Variants in CHD5 observed in about 807,000 individuals in gnomAD.
The protein encoded by CHD5 is ATP-dependent chromatin remodeler CHD5.
A neutral mutation model predicts 230.3 loss-of-function variants in CHD5; 69 were observed. The ratio of observed to expected loss-of-function variants is 0.30; its 90% CI spans 0.25 to 0.37. CHD5 has a LOEUF of 0.37. CHD5 is among the 10% of genes least tolerant of loss of function. CHD5 has a pLI of 1.00. For synonymous variants in CHD5, 1,064 were observed against 1,065.9 expected (o/e 1.00, Z 0.03); for missense variants, 1,827 against 2,622.8 (o/e 0.70, Z 6.63).
intron 1 of CHD5, among the ~76,000 whole-genome samples, chr1:6,169,772 C>T (rs1040104136): frequency 5.3e-5 from 8 of 152,150 alleles, no homozygotes; most frequent in African/African-American, 1.9e-4. Context: ...TGCCAGCCTG[C>T]GGCCCCAGCG....
chr1:6,107,095 C>T (rs538602760), intron 38 of CHD5, among the ~76,000 whole-genome samples: 1 of 43,352 alleles, frequency 2.3e-5, no homozygotes, highest in Non-Finnish European at 4.2e-5. Context: ...GAAGGACGGA[C>T]GAATGGAGGG....
At chr1:6,108,996 C>T (rs1350889799) in intron 38 of CHD5, among the ~76,000 whole-genome samples, 1 of 151,926 alleles carries the variant, frequency 6.6e-6, no homozygotes, top group East Asian at 1.9e-4. Context: ...TATGACTGCA[C>T]TTGCCCAGAA....
In CHD5 at chr1:6,174,977, G is replaced by A. The variant is rs578216178; in HGVS notation, c.79+4968C>T. 4.4e-3 allele frequency among the ~76,000 whole-genome samples: 395 copies of A among 90,360 alleles called. 2 individuals are homozygous for A. The highest frequency in any genetic ancestry group is 4.1e-3 in the Non-Finnish European group (219 of 53,264). The allele number at this position is 90,360 out of a possible 152,430, so 59.3% of individuals were successfully genotyped here. On this transcript the variant is annotated intron_variant, in intron 1 of 41. Coordinates refer to ENST00000262450, the MANE Select transcript of CHD5 (RefSeq NM_015557.3). ...GATGGATGGATGGTGGATGAAGGATGGATGGATGGATGGATGGATGGCAGA... is the reference window on the plus strand; with the variant it reads ...GATGGATGGATGGTGGATGAAGGATAGATGGATGGATGGATGGATGGCAGA...
chr1:6,155,071 G>A lies in CHD5; in HGVS notation c.507-173C>T, dbSNP rs983238392. On this transcript the variant is annotated intron_variant, in intron 4 of 41. Transcript: ENST00000262450. The surrounding 1 kb of genome is among the most constrained non-coding windows in gnomAD (Gnocchi z 4.0). ...ACTGACCACAGCCCACCCCCAAAAC[G>A]CCCCAGCTTCCTGTCCACACCCACA... 3.8e-5 allele frequency among the ~76,000 whole-genome samples: 5 copies of A among 131,570 alleles called. No homozygotes were observed. Among genetic ancestry groups the A allele is most frequent in the East Asian group, 2.2e-4 (1 of 4,516 alleles). The allele number at this position is 131,570 out of a possible 152,430, so 86.3% of individuals were successfully genotyped here. A position where few individuals can be genotyped will look rare whatever the true frequency, so the allele number is the denominator to read the frequency against.
chr1:6,119,787 A>G (rs926969673), intron 33 of CHD5, among the ~76,000 whole-genome samples: 1 of 149,748 alleles, frequency 6.7e-6, no homozygotes, highest in Non-Finnish European at 1.5e-5. Context: ...ATGTGCGTAT[A>G]TACGTACGTA....
At chr1:6,179,095 C>A (rs1292275248) in intron 1 of CHD5, among the ~76,000 whole-genome samples, 1 of 152,230 alleles carries the variant, frequency 6.6e-6, no homozygotes, top group Non-Finnish European at 1.5e-5. Context: ...AAAGAACTGT[C>A]CCGCAAGGCA....
In CHD5 at chr1:6,156,586, T is replaced by C. The variant is rs972260573; in HGVS notation, c.388-869A>G. Reference sequence around the variant, plus strand: ...TGAGGCCTCCCCAGGATGCCAGGTATAGCTACGTCAGCCCTTGTGAAGGAC... The same window carrying C: ...TGAGGCCTCCCCAGGATGCCAGGTACAGCTACGTCAGCCCTTGTGAAGGAC... On this transcript the variant is annotated intron_variant, in intron 3 of 41. Coordinates refer to ENST00000262450, the MANE Select transcript of CHD5 (RefSeq NM_015557.3). Among the ~76,000 whole-genome samples, 37 of 149,778 alleles carry C rather than the reference T, an allele frequency of 2.5e-4. 1 individual carries two copies. The highest frequency in any genetic ancestry group is 2.4e-3 in the Admixed American group (36 of 15,078).
At chr1:6,168,119 C>G (rs1193056348) in intron 2 of CHD5, 31 bp downstream of exon 2, 2 of 1,580,898 alleles carry the variant, frequency 1.3e-6, no homozygotes, top group Non-Finnish European at 1.7e-6. Flanking sequence ...CCACCCGCCC[C>G]AAGCTCGCCG....
chr1:6,107,350 G>T, intron 38 of CHD5, among the ~76,000 whole-genome samples: 1 of 135,954 alleles, frequency 7.4e-6, no homozygotes, highest in South Asian at 2.7e-4. Flanking sequence ...AGGGATGGAG[G>T]GATAATGAAG....
In CHD5 at chr1:6,146,609, G is replaced by T. The variant is rs1666915890; in HGVS notation, c.1590+56C>A. ...CAGCCCCTTCCCGCCAGCCCAGGAGGGTCCAGGGCTCACCAGGTCCCGGGC... is the reference window on the plus strand; with the variant it reads ...CAGCCCCTTCCCGCCAGCCCAGGAGTGTCCAGGGCTCACCAGGTCCCGGGC... On this transcript the variant is annotated intron_variant, in intron 10 of 41. Coordinates refer to ENST00000262450, the MANE Select transcript of CHD5 (RefSeq NM_015557.3). The surrounding 1 kb of genome is among the most constrained non-coding windows in gnomAD (Gnocchi z 5.1). 1.3e-6 allele frequency: 2 copies of T among 1,552,880 alleles called. No individual in the cohort carries two copies. The highest frequency in any genetic ancestry group is 2.7e-5 in the African/African-American group (2 of 73,564).
At chr1:6,151,863 C>G (rs1667013582) in intron 6 of CHD5, among the ~76,000 whole-genome samples, 1 of 152,144 alleles carries the variant, frequency 6.6e-6, no homozygotes, top group Admixed American at 6.5e-5. Context: ...GCCCCTCACA[C>G]TCACAGAGAA....
intron 35 of CHD5, 125 bp from the exon 36 acceptor site, chr1:6,112,008 T>C: frequency 7.2e-7 from 1 of 1,387,890 alleles, no homozygotes; most frequent in Non-Finnish European, 1.0e-6. Context: ...TGTTCCAGGG[T>C]GGCTAAGAAA....
intron 2 of CHD5, among the ~76,000 whole-genome samples, chr1:6,162,729 G>A (rs1288230477): frequency 6.6e-6 from 1 of 152,264 alleles, no homozygotes; most frequent in East Asian, 1.9e-4. Flanking sequence ...AGGACGACAA[G>A]CTGGAGGGGA....
intron 31 of CHD5, among the ~76,000 whole-genome samples, chr1:6,122,180 T>C (rs1348855427): frequency 6.6e-6 from 1 of 152,190 alleles, no homozygotes; most frequent in Non-Finnish European, 1.5e-5. Flanking sequence ...TCTCAGGGCC[T>C]GGCCTCACCC....
At chr1:6,137,974 G>T (rs571187579) in intron 15 of CHD5, among the ~76,000 whole-genome samples, 448 of 152,276 alleles carry the variant, frequency 2.9e-3, no homozygotes, top group African/African-American at 0.01. Context: ...TGGGGAGGGG[G>T]AGCCAGGCAC....
At chr1:6,172,468 C>T (rs1293242865) in intron 1 of CHD5, among the ~76,000 whole-genome samples, 4 of 152,114 alleles carry the variant, frequency 2.6e-5, no homozygotes, top group Admixed American at 6.5e-5. Context: ...TGGGACAACA[C>T]GCACAACCAC....
intron 1 of CHD5, among the ~76,000 whole-genome samples, chr1:6,175,171 G>A (rs896090666): frequency 1.3e-5 from 2 of 150,036 alleles, no homozygotes; most frequent in African/African-American, 4.9e-5. Flanking sequence ...GTGGGCGGAT[G>A]GTGGGTGGAT....
At chr1:6,179,812 C>T in intron 1 of CHD5, 133 bp downstream of exon 1, 1 of 253,016 alleles carries the variant, frequency 4.0e-6, no homozygotes, top group Non-Finnish European at 6.1e-6. Flanking sequence ...GAGCGCAGCC[C>T]CGCAACCCGG....
In CHD5 at chr1:6,109,850, G is replaced by A; in HGVS notation, c.5523C>T (p.His1841=). The part of the protein sequence containing the change: ...EVECLAESHQ[H]LSKESLAGNK... ...TCCCAGCAAGGGACTCCTTGGACAG[G>A]TGCTGGTGGCTCTCGGCGAGGCACT... The change falls in exon 38 of 42, where the codon CAC becomes CAT. Residue 1841 remains histidine, a synonymous_variant. Transcript: ENST00000262450. 6.2e-7 allele frequency: 1 copy of A among 1,612,960 alleles called. No homozygotes were observed. The highest frequency in any genetic ancestry group is 8.5e-7 in the Non-Finnish European group (1 of 1,179,760).
Sources: gnomAD v4.1 joint callset for allele counts (sites outside exome capture counted in the v4.1 genomes callset) on GRCh38, gnomAD v4.1.1 for gene constraint, Gnocchi (gnomAD v3.1) non-coding constraint, MANE v1.5 for transcripts, NCBI Gene and HGNC (gene_info 2026-07-23, HGNC 2026-07-21) for gene names.